DTD1: variants seen among roughly 807,000 people sequenced by gnomAD.
DTD1 encodes the protein D-tyrosyl-tRNA deacylase 1 homolog.
A neutral mutation model predicts 25.6 loss-of-function variants in DTD1; 13 were observed. The observed-to-expected ratio is 0.51, with a 90% confidence interval of 0.33 to 0.81. The LOEUF is 0.81. DTD1 is among the 30% of genes least tolerant of loss of function. The pLI is 0.02. For missense variants in DTD1, 193 were observed against 266.4 expected, an observed-to-expected ratio of 0.72 and a Z score of 1.92; for synonymous variants, 110 against 103.6, an observed-to-expected ratio of 1.06 and a Z score of -0.37.
At chr20:18,751,207 C>G (rs936925672) in intron 5 of DTD1, among the ~76,000 whole-genome samples, 5 of 152,184 alleles carry the variant, frequency 3.3e-5, no homozygotes, top group Non-Finnish European at 7.3e-5. Flanking sequence ...ATTTGTACCA[C>G]ATTCTCATGT....
chr20:18,746,329 C>G (rs964775843), intron 5 of DTD1, among the ~76,000 whole-genome samples: 1 of 152,160 alleles, frequency 6.6e-6, no homozygotes, highest in African/African-American at 2.4e-5. Context: ...TCAGCCTTCT[C>G]TTTCTCTTCT....
chr20:18,704,695 A>G (rs1568675276), intron 4 of DTD1, among the ~76,000 whole-genome samples: 2 of 152,176 alleles, frequency 1.3e-5, no homozygotes, highest in African/African-American at 4.8e-5. Flanking sequence ...ACCAGCTTCT[A>G]GTGGGTAGAG....
At position 18,734,275 on chromosome 20, in the gene DTD1, G is replaced by A. The variant is rs928855466; in HGVS notation, c.478-9825G>A. 2.0e-5 allele frequency among the ~76,000 whole-genome samples: 3 copies of A among 152,164 alleles called. No individual in the cohort carries two copies. The East Asian group carries it at 5.8e-4, about 29-fold the overall frequency. The stretch of plus-strand genomic sequence containing the variant: ...GCCTGTAAGTAGCAGGAAGAAACAG[G>A]GAGAAGCCAAAGGTCACAGACTCGT... On this transcript the variant is annotated intron_variant, in intron 4 of 5. Coordinates refer to ENST00000377452, the MANE Select transcript of DTD1 (RefSeq NM_080820.6).
Position 18,596,154 on chromosome 20 carries a change from C to T in DTD1, c.283C>T (p.Leu95=), listed in dbSNP as rs868583438. 1 of 1,614,154 alleles carries T rather than the reference C, an allele frequency of 6.2e-7. No individual in the cohort carries two copies. The highest frequency in any genetic ancestry group is 2.2e-5 in the East Asian group (1 of 44,880). ...VLKGNKPDFH[L]AMPTEQAEGF... ...GAAGGGAAACAAGCCTGATTTCCAC[C>T]TAGCAATGCCCACGGAGCAGGCAGA... Residue 95 remains leucine, a synonymous_variant, in exon 3 of 6, where the codon CTA becomes TTA. Coordinates refer to ENST00000377452, the MANE Select transcript of DTD1 (RefSeq NM_080820.6).
At chr20:18,746,391 C>T (rs1600220666) in intron 5 of DTD1, among the ~76,000 whole-genome samples, 1 of 152,132 alleles carries the variant, frequency 6.6e-6, no homozygotes, top group Non-Finnish European at 1.5e-5. Context: ...TTAGGATCCA[C>T]AATACCAGGA....
At chr20:18,632,406 G>A in intron 4 of DTD1, 5 of 985,476 alleles carry the variant, frequency 5.1e-6, no homozygotes, top group Non-Finnish European at 6.0e-6. Flanking sequence ...CGGTGGGTAG[G>A]CGCAGAAGCG....
chr20:18,686,041 T>A (rs1370974601), intron 4 of DTD1, among the ~76,000 whole-genome samples: 1 of 152,244 alleles, frequency 6.6e-6, no homozygotes, highest in Non-Finnish European at 1.5e-5. Flanking sequence ...GCCTCACTTT[T>A]GTCGCCCTGG....
chr20:18,636,109 G>C (rs2060806561), intron 4 of DTD1, among the ~76,000 whole-genome samples: 1 of 152,090 alleles, frequency 6.6e-6, no homozygotes, highest in African/African-American at 2.4e-5. Context: ...GTTTTGGGCA[G>C]ATTCCTAGTT....
At chr20:18,660,610 T>G (rs1164736876) in intron 4 of DTD1, among the ~76,000 whole-genome samples, 1 of 152,090 alleles carries the variant, frequency 6.6e-6, no homozygotes, top group East Asian at 1.9e-4. Flanking sequence ...AAAAAATTAT[T>G]TAGTATAAAG....
intron 4 of DTD1, among the ~76,000 whole-genome samples, chr20:18,673,952 TTTTTC>T (rs2060960130): frequency 6.6e-6 from 1 of 152,184 alleles, no homozygotes; most frequent in African/African-American, 2.4e-5. Flanking sequence ...CTTTATCGTA[TTTTTC>T]TATTTTGTTA....
At chr20:18,711,622 G>T (rs2061158808) in intron 4 of DTD1, among the ~76,000 whole-genome samples, 2 of 152,100 alleles carry the variant, frequency 1.3e-5, no homozygotes, top group African/African-American at 4.8e-5. Flanking sequence ...AAAAAATCAT[G>T]ATCTGGTGTA....
intron 4 of DTD1, among the ~76,000 whole-genome samples, chr20:18,654,021 T>TC (rs2060883218): frequency 6.6e-6 from 1 of 152,352 alleles, no homozygotes; most frequent in Non-Finnish European, 1.5e-5. Flanking sequence ...TACATTTTTT[T>TC]CTGACTGAAC....
At chr20:18,638,445 G>C (rs1296854334) in intron 4 of DTD1, among the ~76,000 whole-genome samples, 1 of 152,216 alleles carries the variant, frequency 6.6e-6, no homozygotes, top group African/African-American at 2.4e-5. Context: ...AGAGAATGCT[G>C]TTGGCTAGAA....
chr20:18,701,743 T>A (rs1171144976), intron 4 of DTD1, among the ~76,000 whole-genome samples: 10 of 152,244 alleles, frequency 6.6e-5, no homozygotes, highest in Non-Finnish European at 1.2e-4. Context: ...GCAGTAGGCT[T>A]TCAGTAAATA....
At chr20:18,761,037 G>A (rs973762840) in intron 5 of DTD1, among the ~76,000 whole-genome samples, 13 of 152,220 alleles carry the variant, frequency 8.5e-5, no homozygotes, top group Admixed American at 4.6e-4. Context: ...TCAGAGCCAT[G>A]CGCGGGATAT....
intron 4 of DTD1, among the ~76,000 whole-genome samples, chr20:18,695,803 T>C (rs1319016545): frequency 6.6e-6 from 1 of 151,518 alleles, no homozygotes; most frequent in Non-Finnish European, 1.5e-5. Context: ...CCCAAGTTGT[T>C]GGGACTACAG....
intron 4 of DTD1, among the ~76,000 whole-genome samples, chr20:18,671,578 A>G (rs2060951291): frequency 6.6e-6 from 1 of 152,248 alleles, no homozygotes; most frequent in South Asian, 2.1e-4. Context: ...CAGCACTAGC[A>G]TGGTCATCTC....
At chr20:18,626,925 A>G (rs1210740790) in intron 3 of DTD1, among the ~76,000 whole-genome samples, 2 of 152,230 alleles carry the variant, frequency 1.3e-5, no homozygotes, top group Non-Finnish European at 2.9e-5. Context: ...GAAATTTTCT[A>G]CTAATTGTAG....
At chr20:18,624,900 C>T (rs144671637) in intron 3 of DTD1, among the ~76,000 whole-genome samples, 10 of 152,212 alleles carry the variant, frequency 6.6e-5, no homozygotes, top group East Asian at 1.9e-4. Flanking sequence ...AGACATTTAC[C>T]GTCGTAATGT....
Sources: gnomAD v4.1 joint callset for allele counts (sites outside exome capture counted in the v4.1 genomes callset) on GRCh38, gnomAD v4.1.1 for gene constraint, MANE v1.5 for transcripts, NCBI Gene and HGNC (gene_info 2026-07-23, HGNC 2026-07-21) for gene names.